The following PDZD2 variants were observed in gnomAD, a reference collection of about 807,000 sequenced individuals.
PDZD2 encodes the protein PDZ domain-containing protein 2.
A neutral mutation model predicts 220.7 loss-of-function variants in PDZD2; 90 were observed. The observed-to-expected ratio is 0.41, with a 90% CI of 0.34 to 0.49. PDZD2 has a LOEUF of 0.49. PDZD2 is among the 20% of genes least tolerant of loss of function. The pLI is 0.28. For missense variants in PDZD2, 3,174 were observed against 3,608.5 expected (o/e 0.88, Z 3.08); for synonymous variants, 1,375 against 1,450.5 (o/e 0.95, Z 1.18).
At chr5:31,718,402 C>T (rs1748578871) in intron 1 of PDZD2, among the ~76,000 whole-genome samples, 1 of 152,176 alleles carries the variant, frequency 6.6e-6, no homozygotes, top group East Asian at 1.9e-4. Flanking sequence ...GGCTGGGAGG[C>T]CTGAAAGAAA....
chr5:31,829,718 C>T (rs1168455950), intron 2 of PDZD2, among the ~76,000 whole-genome samples: 1 of 152,086 alleles, frequency 6.6e-6, no homozygotes, highest in Non-Finnish European at 1.5e-5. Flanking sequence ...TTACTAACCC[C>T]CCTTTACCAA....
At chr5:31,776,626 T>TTTTATTTTATTTA (rs764036702) in intron 1 of PDZD2, among the ~76,000 whole-genome samples, 11 of 141,068 alleles carry the variant, frequency 7.8e-5, no homozygotes, top group African/African-American at 3.0e-4. Context: ...TTATTTTTTA[T>TTTTATTTTATTTA]TTTATTTATT....
intron 2 of PDZD2, among the ~76,000 whole-genome samples, chr5:31,924,040 T>C (rs1235534161): frequency 2.0e-5 from 3 of 152,138 alleles, no homozygotes; most frequent in Non-Finnish European, 4.4e-5. Flanking sequence ...GAAAACCAAA[T>C]GAATGGCAGT....
At chr5:32,026,518 T>C (rs995852656) in intron 6 of PDZD2, among the ~76,000 whole-genome samples, 2 of 152,182 alleles carry the variant, frequency 1.3e-5, no homozygotes, top group Non-Finnish European at 1.5e-5. Context: ...TGTCTTGAGA[T>C]TTTCCTGTAT....
At chr5:31,954,467 T>C (rs1747478490) in intron 2 of PDZD2, among the ~76,000 whole-genome samples, 1 of 152,238 alleles carries the variant, frequency 6.6e-6, no homozygotes, top group Admixed American at 6.5e-5. Context: ...CCTGCTTTTT[T>C]CTGCCATTCC....
In PDZD2 at chr5:32,094,283, C is replaced by T. The variant is rs539034457; in HGVS notation, c.7845+1259C>T. On this transcript the variant is annotated intron_variant, in intron 21 of 24. Transcript: ENST00000438447. Reference sequence around the variant, plus strand: ...GACAATAAACATTGACAGAAGAAACCACAGGTTCACATCTAGGATACTAAT... The same window carrying T: ...GACAATAAACATTGACAGAAGAAACTACAGGTTCACATCTAGGATACTAAT... 5.3e-5 allele frequency among the ~76,000 whole-genome samples: 8 copies of T among 152,272 alleles called. No individual in the cohort carries two copies. In the East Asian group the frequency reaches 1.5e-3, roughly 29 times the overall value.
At chr5:31,925,490 A>G (rs6450877) in intron 2 of PDZD2, among the ~76,000 whole-genome samples, 120,300 of 152,100 alleles carry the variant, frequency 0.79, 48,098 homozygotes, top group East Asian at 0.94. Flanking sequence ...TAAATGTAAG[A>G]CCTCAAACAG....
intron 2 of PDZD2, among the ~76,000 whole-genome samples, chr5:31,875,480 G>C (rs949659047): frequency 9.2e-5 from 14 of 151,536 alleles, no homozygotes; most frequent in African/African-American, 2.9e-4. Flanking sequence ...TGGCGACTTA[G>C]GAGGCTGAGA....
intron 2 of PDZD2, among the ~76,000 whole-genome samples, chr5:31,964,954 C>T (rs1748594282): frequency 1.3e-5 from 2 of 152,064 alleles, no homozygotes; most frequent in African/African-American, 4.8e-5. Flanking sequence ...GATCTCCTGA[C>T]CTCGTGATCC....
intron 1 of PDZD2, among the ~76,000 whole-genome samples, chr5:31,760,424 A>G (rs548360643): frequency 6.6e-6 from 1 of 152,324 alleles, no homozygotes; most frequent in Admixed American, 6.5e-5. Flanking sequence ...CATGAACTAT[A>G]AAAATAAGGA....
rs906923358 is a variant in PDZD2, at chr5:31,964,872, C to T, written c.477-18283C>T. ...CTGGGACTACAGGCACCCGCCACCACGCCCGGCTAATTTTTTTGTATTTTT... is the reference window on the plus strand; with the variant it reads ...CTGGGACTACAGGCACCCGCCACCATGCCCGGCTAATTTTTTTGTATTTTT... On this transcript the variant is annotated intron_variant, in intron 2 of 24. Coordinates refer to ENST00000438447, the MANE Select transcript of PDZD2 (RefSeq NM_178140.4). Among the ~76,000 whole-genome samples, 9 of 152,302 alleles carry T rather than the reference C, an allele frequency of 5.9e-5. No individual in the cohort carries two copies. The East Asian group carries it at 1.5e-3, about 26-fold the overall frequency.
chr5:31,827,537 A>T (rs1756300094), intron 2 of PDZD2, among the ~76,000 whole-genome samples: 1 of 152,060 alleles, frequency 6.6e-6, no homozygotes, highest in African/African-American at 2.4e-5. Context: ...TACTAAAAAT[A>T]CAAAAATTAG....
intron 2 of PDZD2, among the ~76,000 whole-genome samples, chr5:31,872,016 C>G (rs1471582654): frequency 1.7e-5 from 2 of 120,936 alleles, no homozygotes; most frequent in Non-Finnish European, 3.7e-5. Flanking sequence ...TAAAATGACT[C>G]AAATATATTT....
At chr5:31,708,610 G>A (rs1747936080) in intron 1 of PDZD2, among the ~76,000 whole-genome samples, 1 of 152,196 alleles carries the variant, frequency 6.6e-6, no homozygotes, top group South Asian at 2.1e-4. Flanking sequence ...TATTTGTAAA[G>A]TTGGGCCACC....
In PDZD2 at chr5:32,072,203, C is replaced by G. The variant is rs1204073504; in HGVS notation, c.2611C>G (p.His871Asp). The change falls in exon 17 of 25, where the codon CAC becomes GAC. Residue 871 changes from histidine (H) to aspartate (D), a missense_variant. Around this residue, in one of 4 missense-constraint regions of PDZD2, gnomAD observed 1,861 missense variants for 2,001.0 expected, o/e 0.93. Coordinates refer to ENST00000438447, the MANE Select transcript of PDZD2 (RefSeq NM_178140.4). ...ATCTGAACTCTCCCAGTACTTTGCC[C>G]ACGATGTCCCTGGCCCCTTGTCAGA... is the stretch of plus-strand genomic sequence containing the variant. ...SESELSQYFA[H>D]DVPGPLSDFM... 1 of 1,613,342 alleles carries G rather than the reference C, an allele frequency of 6.2e-7. No homozygotes were observed. Among genetic ancestry groups the G allele is most frequent in the Admixed American group, 1.7e-5 (1 of 60,028 alleles).
At chr5:31,675,582 G>C (rs1411516684) in intron 1 of PDZD2, among the ~76,000 whole-genome samples, 1 of 152,250 alleles carries the variant, frequency 6.6e-6, no homozygotes, top group Non-Finnish European at 1.5e-5. Context: ...CAGAAAAGCA[G>C]TTGTTCCAGA....
chr5:31,651,883 T>C (rs1185243310), intron 1 of PDZD2, among the ~76,000 whole-genome samples: 2 of 100,068 alleles, frequency 2.0e-5, no homozygotes, highest in African/African-American at 7.7e-5. Flanking sequence ...AGTGATGCAA[T>C]CTTGGCTCAC....
intron 21 of PDZD2, among the ~76,000 whole-genome samples, chr5:32,095,352 A>G (rs1743567117): frequency 6.6e-6 from 1 of 152,178 alleles, no homozygotes. Flanking sequence ...GAGCAGGGCT[A>G]TCCTTACTCT....
chr5:32,033,697 G>T (rs1755302874), intron 6 of PDZD2, among the ~76,000 whole-genome samples: 1 of 151,304 alleles, frequency 6.6e-6, no homozygotes, highest in Non-Finnish European at 1.5e-5. Flanking sequence ...TCGGCTCACT[G>T]CAACCTCTGC....
Sources: gnomAD v4.1 joint callset for allele counts (sites outside exome capture counted in the v4.1 genomes callset) on GRCh38, gnomAD v4.1.1 for gene constraint, gnomAD v4.1.1 regional missense constraint, MANE v1.5 for transcripts, NCBI Gene and HGNC (gene_info 2026-07-23, HGNC 2026-07-21) for gene names.